The following CTNNBL1 variants were observed in gnomAD, a reference collection of about 807,000 sequenced individuals.
CTNNBL1 encodes beta-catenin-like protein 1.
CTNNBL1 carries 31 observed loss-of-function variants against 72.7 expected under a neutral mutation model. The observed-to-expected ratio is 0.43, with a 90% CI of 0.32 to 0.58. The LOEUF is 0.58. Ranked by LOEUF, CTNNBL1 falls within the 20% of genes least tolerant of loss-of-function variation. CTNNBL1 has a pLI of 0.08. For missense variants in CTNNBL1, 534 were observed against 725.1 expected, an observed-to-expected ratio of 0.74 and a Z score of 3.03; for synonymous variants, 240 against 267.3, an observed-to-expected ratio of 0.90 and a Z score of 1.00.
chr20:37,821,475 C>T (rs557627216), intron 11 of CTNNBL1, among the ~76,000 whole-genome samples: 1 of 152,172 alleles, frequency 6.6e-6, no homozygotes, highest in Admixed American at 6.5e-5. Context: ...CCTTATGTAC[C>T]CATCACTCAG....
intron 11 of CTNNBL1, among the ~76,000 whole-genome samples, chr20:37,825,332 G>A (rs997241590): frequency 4.6e-5 from 7 of 151,852 alleles, no homozygotes; most frequent in African/African-American, 1.2e-4. Flanking sequence ...CAGCCTGGGC[G>A]GCAGAATGAG....
chr20:37,711,467 C>T (rs186571785), intron 1 of CTNNBL1, among the ~76,000 whole-genome samples: 19 of 151,052 alleles, frequency 1.3e-4, no homozygotes, highest in African/African-American at 3.7e-4. Flanking sequence ...TTACACTAGA[C>T]GTTGGGAATA....
chr20:37,788,593 G>C (rs1328708686), intron 10 of CTNNBL1, among the ~76,000 whole-genome samples: 2 of 152,254 alleles, frequency 1.3e-5, no homozygotes, highest in Admixed American at 1.3e-4. Flanking sequence ...GTCCACTCGA[G>C]TCCTGGGCTC....
At chr20:37,861,431 C>T (rs1178498297) in intron 15 of CTNNBL1, among the ~76,000 whole-genome samples, 1 of 152,206 alleles carries the variant, frequency 6.6e-6, no homozygotes, top group Non-Finnish European at 1.5e-5. Context: ...AGTGGAGGCC[C>T]ATGTGGGAAT....
chr20:37,828,397 T>A (rs78631648), intron 11 of CTNNBL1, among the ~76,000 whole-genome samples: 12,491 of 151,964 alleles, frequency 0.082, 550 homozygotes, highest in Non-Finnish European at 0.096. Context: ...CTTTTTTTTT[T>A]AAAAATATGC....
At chr20:37,859,708 A>G (rs570358620) in intron 13 of CTNNBL1, among the ~76,000 whole-genome samples, 191 bp from the exon 14 acceptor site, 6 of 151,948 alleles carry the variant, frequency 3.9e-5, no homozygotes, top group East Asian at 3.9e-4. Context: ...TGGGGCCTCT[A>G]TAGTCCATTA....
chr20:37,835,316 A>T (rs2072244268), intron 11 of CTNNBL1, among the ~76,000 whole-genome samples: 1 of 152,178 alleles, frequency 6.6e-6, no homozygotes, highest in Non-Finnish European at 1.5e-5. Context: ...CATCCCTCAT[A>T]ATAAATCTTT....
intron 1 of CTNNBL1, among the ~76,000 whole-genome samples, chr20:37,717,985 GAA>G (rs1314388758): frequency 1.3e-5 from 2 of 152,194 alleles, no homozygotes; most frequent in African/African-American, 4.8e-5. Flanking sequence ...AGAACAAAAT[GAA>G]AAGTCTCCCA....
In CTNNBL1 at chr20:37,726,713, C is replaced by T. The variant is rs554757382; in HGVS notation, c.31-6166C>T. ...TTTCCTTTGACTTTTTCCATTTTCTCATTAGAATTGGACATCTTTTTTCAT... is the reference window on the plus strand; with the variant it reads ...TTTCCTTTGACTTTTTCCATTTTCTTATTAGAATTGGACATCTTTTTTCAT... On this transcript the variant is annotated intron_variant, in intron 1 of 15. Transcript: ENST00000361383. 1.3e-3 allele frequency among the ~76,000 whole-genome samples: 200 copies of T among 152,290 alleles called. 1 individual carries two copies. Among genetic ancestry groups the T allele is most frequent in the Middle Eastern group, 6.8e-3 (2 of 294 alleles).
intron 15 of CTNNBL1, among the ~76,000 whole-genome samples, chr20:37,867,366 C>T (rs989704804): frequency 1.3e-5 from 2 of 152,146 alleles, no homozygotes; most frequent in Admixed American, 6.5e-5. Flanking sequence ...TCCAGGTCTC[C>T]GCCCTGGAAG....
At chr20:37,703,979 G>A (rs551396511) in intron 1 of CTNNBL1, among the ~76,000 whole-genome samples, 3 of 152,006 alleles carry the variant, frequency 2.0e-5, no homozygotes, top group Non-Finnish European at 4.4e-5. Context: ...GTTTCTCCGT[G>A]TTGGTCAGGT....
At chr20:37,700,354 GTATT>G (rs1443332046) in intron 1 of CTNNBL1, among the ~76,000 whole-genome samples, 1 of 152,152 alleles carries the variant, frequency 6.6e-6, no homozygotes, top group East Asian at 1.9e-4. Flanking sequence ...TTTATTAAAA[GTATT>G]TAACATTTTT....
intron 13 of CTNNBL1, among the ~76,000 whole-genome samples, chr20:37,849,395 C>A (rs761994924): frequency 2.6e-5 from 4 of 152,218 alleles, no homozygotes; most frequent in Non-Finnish European, 5.9e-5. Flanking sequence ...GCTGGCTGCT[C>A]TAGATACATC....
chr20:37,765,492 A>G (rs755517443), intron 6 of CTNNBL1, among the ~76,000 whole-genome samples: 6 of 152,236 alleles, frequency 3.9e-5, no homozygotes, highest in Admixed American at 1.3e-4. Flanking sequence ...AGGTAATGAA[A>G]GCAGAAATCC....
At chr20:37,825,535 C>G (rs971400360) in intron 11 of CTNNBL1, among the ~76,000 whole-genome samples, 34 of 152,134 alleles carry the variant, frequency 2.2e-4, no homozygotes, top group Admixed American at 2.0e-3. Flanking sequence ...ATTAGCTGGG[C>G]GTGGTGGTGG....
At chr20:37,862,147 G>A (rs2072496661) in intron 15 of CTNNBL1, among the ~76,000 whole-genome samples, 2 of 151,942 alleles carry the variant, frequency 1.3e-5, no homozygotes, top group African/African-American at 2.4e-5. Context: ...CATGCCTTCC[G>A]GGGTGACACC....
At chr20:37,754,722 T>G (rs1311702708) in intron 4 of CTNNBL1, among the ~76,000 whole-genome samples, 2 of 152,202 alleles carry the variant, frequency 1.3e-5, no homozygotes, top group Non-Finnish European at 2.9e-5. Flanking sequence ...CCCTTATGCA[T>G]TAATATGAAG....
intron 3 of CTNNBL1, among the ~76,000 whole-genome samples, chr20:37,742,845 C>T (rs528436749): frequency 2.0e-5 from 3 of 152,248 alleles, no homozygotes; most frequent in East Asian, 1.9e-4. Context: ...ACTGCATTGC[C>T]GAGGCTGGAG....
intron 1 of CTNNBL1, among the ~76,000 whole-genome samples, chr20:37,715,155 C>G (rs1273392197): frequency 1.3e-5 from 2 of 152,084 alleles, no homozygotes; most frequent in Non-Finnish European, 2.9e-5. Context: ...TCACAGAAAC[C>G]AGTTATAGCA....
Sources: gnomAD v4.1 joint callset for allele counts (sites outside exome capture counted in the v4.1 genomes callset) on GRCh38, gnomAD v4.1.1 for gene constraint, MANE v1.5 for transcripts, NCBI Gene and HGNC (gene_info 2026-07-23, HGNC 2026-07-21) for gene names.